PABPC4L: variants seen among roughly 807,000 people sequenced by gnomAD.
PABPC4L encodes the protein poly(A) binding protein cytoplasmic 4 like, also known as polyadenylate-binding protein 4-like.
For synonymous variants in PABPC4L, 169 were observed against 164.1 expected (o/e 1.03, Z -0.23); for missense variants, 452 against 451.4 (o/e 1.00, Z -0.01).
the PABPC4L span, among the ~76,000 whole-genome samples, chr4:133,960,300 C>T: frequency 1.3e-5 from 2 of 152,148 alleles, no homozygotes; most frequent in Non-Finnish European, 2.9e-5. Context: ...AACACACACC[C>T]CCACTGAGGA....
downstream of PABPC4L, among the ~76,000 whole-genome samples, chr4:134,194,330 T>A (rs563565939): frequency 6.6e-6 from 1 of 151,772 alleles, no homozygotes; most frequent in South Asian, 2.1e-4. Context: ...ATAGCTCATG[T>A]ATTGCAGATG....
At chr4:134,067,973 G>C in the PABPC4L span, among the ~76,000 whole-genome samples, 1 of 151,974 alleles carries the variant, frequency 6.6e-6, no homozygotes, top group Non-Finnish European at 1.5e-5. Flanking sequence ...AGAAAGTGCA[G>C]ATAATAAAAA....
chr4:134,042,641 C>T, the PABPC4L span, among the ~76,000 whole-genome samples: 9 of 152,102 alleles, frequency 5.9e-5, no homozygotes, highest in Admixed American at 3.9e-4. Flanking sequence ...AAACTTGGGT[C>T]GAGCTGGCCT....
At chr4:133,975,549 G>C in the PABPC4L span, among the ~76,000 whole-genome samples, 1 of 151,982 alleles carries the variant, frequency 6.6e-6, no homozygotes, top group Non-Finnish European at 1.5e-5. Flanking sequence ...TTTTTAGTCA[G>C]AAAAACACAT....
the PABPC4L span, among the ~76,000 whole-genome samples, chr4:134,050,587 C>G: frequency 6.6e-6 from 1 of 151,400 alleles, no homozygotes; most frequent in Non-Finnish European, 1.5e-5. Context: ...CGCCTGTAAA[C>G]CCAGCTACTC....
chr4:134,077,687 C>T, the PABPC4L span, among the ~76,000 whole-genome samples: 1 of 152,062 alleles, frequency 6.6e-6, no homozygotes, highest in East Asian at 1.9e-4. Context: ...TTTTTGTCTA[C>T]CTCTGGCCTT....
chr4:134,164,665 G>T, the PABPC4L span, among the ~76,000 whole-genome samples: 1 of 152,054 alleles, frequency 6.6e-6, no homozygotes, highest in African/African-American at 2.4e-5. Context: ...CTCATGGATT[G>T]CAAGGATAAG....
the PABPC4L span, among the ~76,000 whole-genome samples, chr4:134,156,121 T>C: frequency 6.6e-6 from 1 of 152,002 alleles, no homozygotes; most frequent in Non-Finnish European, 1.5e-5. Flanking sequence ...TATGCAAAAT[T>C]ACTAATTAAG....
chr4:134,017,100 C>T, the PABPC4L span, among the ~76,000 whole-genome samples: 1 of 152,080 alleles, frequency 6.6e-6, no homozygotes, highest in Admixed American at 6.5e-5. Flanking sequence ...CTTTATTAGT[C>T]AAATCAGCCA....
chr4:134,158,782 T>C, the PABPC4L span, among the ~76,000 whole-genome samples: 1 of 152,126 alleles, frequency 6.6e-6, no homozygotes, highest in Non-Finnish European at 1.5e-5. Flanking sequence ...GATGGGGATA[T>C]GTTCTGAAAA....
the PABPC4L span, among the ~76,000 whole-genome samples, chr4:134,015,709 T>G: frequency 6.6e-6 from 1 of 152,152 alleles, no homozygotes; most frequent in Non-Finnish European, 1.5e-5. Context: ...TAGGCATGGT[T>G]AGTGTGGTCA....
chr4:134,123,877 G>A, the PABPC4L span, among the ~76,000 whole-genome samples: 1 of 151,888 alleles, frequency 6.6e-6, no homozygotes, highest in Admixed American at 6.6e-5. Context: ...ACTACCAGAT[G>A]CAGAGCTGCA....
the PABPC4L span, among the ~76,000 whole-genome samples, chr4:134,025,165 T>G: frequency 6.6e-6 from 1 of 151,434 alleles, no homozygotes; most frequent in African/African-American, 2.4e-5. Flanking sequence ...ACCCCGTCTC[T>G]ACTAAACAAA....
chr4:133,948,725 A>G, the PABPC4L span, among the ~76,000 whole-genome samples: 1 of 152,166 alleles, frequency 6.6e-6, no homozygotes, highest in Non-Finnish European at 1.5e-5. Flanking sequence ...AAATGGAACC[A>G]CCTGTGCCTG....
chr4:134,057,503 A>G, the PABPC4L span, among the ~76,000 whole-genome samples: 1 of 151,988 alleles, frequency 6.6e-6, no homozygotes, highest in Admixed American at 6.6e-5. Context: ...TGGCCAGTTG[A>G]GGATGGAAGC....
the PABPC4L span, among the ~76,000 whole-genome samples, chr4:134,091,365 C>T: frequency 6.6e-6 from 1 of 151,800 alleles, no homozygotes; most frequent in Non-Finnish European, 1.5e-5. Flanking sequence ...TGCCATAGCC[C>T]GGAGATTTAA....
the PABPC4L span, among the ~76,000 whole-genome samples, chr4:134,185,165 A>T: frequency 6.6e-6 from 1 of 151,988 alleles, no homozygotes; most frequent in Non-Finnish European, 1.5e-5. Flanking sequence ...ATTCCAGCTT[A>T]TCTATTACTT....
At chr4:134,141,672 A>C in the PABPC4L span, among the ~76,000 whole-genome samples, 1 of 151,658 alleles carries the variant, frequency 6.6e-6, no homozygotes, top group South Asian at 2.1e-4. Flanking sequence ...CCTTTTCCAA[A>C]ATTCACTGCA....
At chr4:133,962,265 G>T in the PABPC4L span, among the ~76,000 whole-genome samples, 1 of 152,144 alleles carries the variant, frequency 6.6e-6, no homozygotes, top group Non-Finnish European at 1.5e-5. Context: ...ACTAGGAATG[G>T]ATCTAAACCA....
Sources: gnomAD v4.1 joint callset for allele counts (sites outside exome capture counted in the v4.1 genomes callset) on GRCh38, gnomAD v4.1.1 for gene constraint, MANE v1.5 for transcripts, NCBI Gene and HGNC (gene_info 2026-07-23, HGNC 2026-07-21) for gene names.